The following DGKG variants were observed in gnomAD, a reference collection of about 807,000 sequenced individuals.
DGKG encodes diacylglycerol kinase gamma.
DGKG carries 78 observed loss-of-function variants against 105.3 expected under a neutral mutation model. That is an observed-to-expected ratio of 0.74 (90% CI 0.62 to 0.89). DGKG has a LOEUF of 0.89. DGKG is among the 40% of genes least tolerant of loss of function. The pLI is 0.00. For synonymous variants in DGKG, 346 were observed against 367.1 expected (o/e 0.94, Z 0.66); for missense variants, 958 against 1,020.1 (o/e 0.94, Z 0.83).
intron 21 of DGKG, among the ~76,000 whole-genome samples, chr3:186,188,992 T>C (rs1279711180): frequency 1.3e-5 from 2 of 152,094 alleles, no homozygotes; most frequent in African/African-American, 4.8e-5. Context: ...TTTTTGTATT[T>C]TTAGTAGAGA....
At chr3:186,323,235 G>A (rs747583165) in intron 1 of DGKG, among the ~76,000 whole-genome samples, 4 of 152,152 alleles carry the variant, frequency 2.6e-5, no homozygotes, top group Admixed American at 6.5e-5. Context: ...AATTTAGTAC[G>A]AAAGTGAGGA....
chr3:186,163,280 A>G (rs751083429), intron 23 of DGKG, among the ~76,000 whole-genome samples: 1 of 152,160 alleles, frequency 6.6e-6, no homozygotes. Context: ...TGTTGGGATT[A>G]CAGACGTGAG....
At chr3:186,294,327 T>G (rs9809331) in intron 5 of DGKG, among the ~76,000 whole-genome samples, 4,162 of 152,190 alleles carry the variant, frequency 0.027, 200 homozygotes, top group African/African-American at 0.094. Context: ...TGTATCTTCT[T>G]CTAGGTTCCT....
At chr3:186,254,883 C>T (rs1578732418) in intron 17 of DGKG, among the ~76,000 whole-genome samples, 1 of 152,188 alleles carries the variant, frequency 6.6e-6, no homozygotes, top group Non-Finnish European at 1.5e-5. Flanking sequence ...CATAGCCTAC[C>T]ACAGTAGGCC....
chr3:186,213,863 G>T (rs1404880465), intron 20 of DGKG, among the ~76,000 whole-genome samples: 2 of 152,202 alleles, frequency 1.3e-5, no homozygotes, highest in Non-Finnish European at 2.9e-5. Flanking sequence ...CTGAAGGAGA[G>T]AATTCTCCAG....
At chr3:186,339,126 G>C (rs987700448) in intron 1 of DGKG, among the ~76,000 whole-genome samples, 3 of 152,140 alleles carry the variant, frequency 2.0e-5, no homozygotes, top group Non-Finnish European at 2.9e-5. Context: ...TTCCTATAAA[G>C]TTGGTTAAAA....
chr3:186,162,834 G>C (rs1227598687), intron 23 of DGKG, among the ~76,000 whole-genome samples: 1 of 151,906 alleles, frequency 6.6e-6, no homozygotes, highest in East Asian at 2.0e-4. Context: ...GAGCCACCGC[G>C]CCTGGCCCAA....
chr3:186,217,448 C>A (rs1214274650), intron 20 of DGKG, among the ~76,000 whole-genome samples: 4 of 152,174 alleles, frequency 2.6e-5, no homozygotes, highest in Non-Finnish European at 4.4e-5. Flanking sequence ...GGACTCTCAG[C>A]CACATGGAGA....
At chr3:186,161,037 C>T in intron 24 of DGKG, 1 of 986,438 alleles carries the variant, frequency 1.0e-6, no homozygotes, top group Non-Finnish European at 1.2e-6. Flanking sequence ...AATAGATAAC[C>T]TGCGTGGTGA....
At chr3:186,256,066 G>T (rs546266184) in intron 17 of DGKG, among the ~76,000 whole-genome samples, 2 of 152,126 alleles carry the variant, frequency 1.3e-5, no homozygotes, top group South Asian at 2.1e-4. Flanking sequence ...AGAGGGAGCC[G>T]TGTGAGTAGT....
At chr3:186,249,887 TC>T (rs1578725270) in intron 19 of DGKG, among the ~76,000 whole-genome samples, 2 of 152,074 alleles carry the variant, frequency 1.3e-5, no homozygotes, top group Non-Finnish European at 2.9e-5. Context: ...TGCTATCCCC[TC>T]AAGCCACCTA....
rs568704077 is a variant in DGKG at position 186,269,784 on chromosome 3, A to G, written c.1000-867T>C. On this transcript the variant is annotated intron_variant, in intron 11 of 24. Transcript: ENST00000265022. ...ACCTGTTTCCTGGGGAGCTGGTTGT[A>G]TCTGCTCCGTGACCAGGAAAGACCA... Among the ~76,000 whole-genome samples the G allele has an allele frequency of 1.3e-4, 20 of 152,318 alleles. No individual in the cohort carries two copies. In the East Asian group the frequency reaches 3.3e-3, roughly 25 times the overall value.
chr3:186,289,919 G>A (rs1314453441), intron 5 of DGKG, among the ~76,000 whole-genome samples: 2 of 152,176 alleles, frequency 1.3e-5, no homozygotes, highest in Non-Finnish European at 2.9e-5. Flanking sequence ...TTTTAGGCAA[G>A]CAGGGCTGTG....
intron 2 of DGKG, among the ~76,000 whole-genome samples, chr3:186,312,977 G>T (rs866631471): frequency 6.6e-6 from 1 of 151,988 alleles, no homozygotes; most frequent in Non-Finnish European, 1.5e-5. Flanking sequence ...CCATTGCCTG[G>T]CAAAAAAAAT....
intron 1 of DGKG, among the ~76,000 whole-genome samples, chr3:186,329,235 G>A (rs1725489414): frequency 6.6e-6 from 1 of 152,182 alleles, no homozygotes; most frequent in Non-Finnish European, 1.5e-5. Flanking sequence ...GTCACTCTGA[G>A]CAATTGCTTC....
At chr3:186,172,896 C>T (rs1181253508) in intron 22 of DGKG, among the ~76,000 whole-genome samples, 1 of 152,242 alleles carries the variant, frequency 6.6e-6, no homozygotes, top group East Asian at 1.9e-4. Flanking sequence ...AACAAGCAGC[C>T]ACAGGCTGGG....
intron 1 of DGKG, among the ~76,000 whole-genome samples, chr3:186,357,523 CT>C (rs1225786341): frequency 6.6e-6 from 1 of 152,196 alleles, no homozygotes; most frequent in Non-Finnish European, 1.5e-5. Flanking sequence ...ATTACTGAAA[CT>C]TTCTGAGACT....
At chr3:186,255,799 G>T (rs1174908771) in intron 17 of DGKG, among the ~76,000 whole-genome samples, 1 of 152,116 alleles carries the variant, frequency 6.6e-6, no homozygotes, top group Non-Finnish European at 1.5e-5. Context: ...GAACAGATCA[G>T]AGAGGGGACC....
chr3:186,175,997 G>A (rs1048654171), intron 22 of DGKG, among the ~76,000 whole-genome samples: 4 of 152,066 alleles, frequency 2.6e-5, no homozygotes, highest in Admixed American at 6.5e-5. Context: ...TCAAACCAAG[G>A]CCCGATTCAA....
Sources: allele counts gnomAD v4.1 joint callset (sites outside exome capture counted in the v4.1 genomes callset), GRCh38; gene constraint gnomAD v4.1.1; transcripts MANE v1.5; gene names NCBI Gene and HGNC (gene_info 2026-07-23, HGNC 2026-07-21).